The following TRPC4AP variants were observed in gnomAD, a reference collection of about 807,000 sequenced individuals.
TRPC4AP encodes the protein transient receptor potential cation channel subfamily C member 4 associated protein.
Under a neutral mutation model 99.0 loss-of-function variants are expected in TRPC4AP, and 45 were observed. The ratio of observed to expected loss-of-function variants is 0.45; its 90% CI spans 0.36 to 0.58. The LOEUF (loss-of-function observed/expected upper bound fraction) is 0.58. TRPC4AP is among the 20% of genes least tolerant of loss of function. The pLI is 0.00. For synonymous variants in TRPC4AP, 408 were observed against 385.8 expected, an observed-to-expected ratio of 1.06 and a Z score of -0.67; for missense variants, 879 against 985.3, an observed-to-expected ratio of 0.89 and a Z score of 1.44.
chr20:35,090,101 CAAA>C (rs11478429), intron 1 of TRPC4AP, among the ~76,000 whole-genome samples: 3 of 131,752 alleles, frequency 2.3e-5, no homozygotes, highest in Admixed American at 7.6e-5. Flanking sequence ...GATTCTGTCT[CAAA>C]AAAAAAAAAG....
intron 1 of TRPC4AP, among the ~76,000 whole-genome samples, chr20:35,089,623 G>A (rs1569160893): frequency 6.6e-6 from 1 of 152,080 alleles, no homozygotes. Context: ...GGACAAGGCA[G>A]GGGGATCATG....
chr20:35,037,142 C>G (rs769442044), intron 7 of TRPC4AP, among the ~76,000 whole-genome samples: 16 of 151,944 alleles, frequency 1.1e-4, no homozygotes, highest in Non-Finnish European at 2.1e-4. Context: ...GTCAGGAGAT[C>G]GAGACCATCC....
chr20:35,049,840 C>G, intron 6 of TRPC4AP, 26 bp downstream of exon 6: 2 of 1,596,892 alleles, frequency 1.3e-6, no homozygotes, highest in Non-Finnish European at 1.7e-6. Context: ...CCTTCCCCAT[C>G]TGGTCAGCTA....
chr20:35,078,182 T>C lies in TRPC4AP; in HGVS notation c.169-8A>G. 2 of 1,609,808 alleles carry C rather than the reference T, an allele frequency of 1.2e-6. No individual in the cohort carries two copies. Among genetic ancestry groups the C allele is most frequent in the Non-Finnish European group, 1.7e-6 (2 of 1,178,018 alleles). On this transcript the variant is annotated splice_polypyrimidine_tract_variant and splice_region_variant and intron_variant, in intron 1 of 18. Transcript: ENST00000252015. ...CAAAAAAGTCTCAGTGAACTGTGAG[T>C]CAAAAAAAGAGAGAACATATTATTG...
At chr20:35,067,578 GC>G (rs1429999340) in intron 3 of TRPC4AP, among the ~76,000 whole-genome samples, 1 of 152,118 alleles carries the variant, frequency 6.6e-6, no homozygotes, top group Non-Finnish European at 1.5e-5. Flanking sequence ...AATGTTTATA[GC>G]ACTGTTATTC....
chr20:35,071,509 C>T (rs144797168), intron 2 of TRPC4AP, among the ~76,000 whole-genome samples: 1 of 149,562 alleles, frequency 6.7e-6, no homozygotes, highest in African/African-American at 2.5e-5. Context: ...TCAATTCCCA[C>T]CTATGAGTGA....
At chr20:35,010,022 T>C (rs575817569) in intron 12 of TRPC4AP, among the ~76,000 whole-genome samples, 165 bp downstream of exon 12, 2 of 152,216 alleles carry the variant, frequency 1.3e-5, no homozygotes, top group African/African-American at 4.8e-5. Flanking sequence ...AATGAGAAAA[T>C]GCAGGTGACA....
intron 1 of TRPC4AP, among the ~76,000 whole-genome samples, chr20:35,078,974 G>A (rs1463576415): frequency 6.6e-6 from 1 of 152,204 alleles, no homozygotes; most frequent in African/African-American, 2.4e-5. Context: ...GCTGAGGCAG[G>A]AGAACCGCTT....
chr20:35,042,991 A>G (rs534663267), intron 7 of TRPC4AP, among the ~76,000 whole-genome samples: 110 of 152,264 alleles, frequency 7.2e-4, no homozygotes, highest in Admixed American at 2.7e-3. Flanking sequence ...GGCATACCAT[A>G]TATGTGGGCA....
chr20:35,033,524 T>G (rs964754091), intron 8 of TRPC4AP, among the ~76,000 whole-genome samples: 5 of 152,210 alleles, frequency 3.3e-5, no homozygotes, highest in African/African-American at 1.2e-4. Context: ...TCGACTGTTT[T>G]TGATAATGCC....
chr20:35,056,336 G>C (rs1363005098), intron 4 of TRPC4AP, among the ~76,000 whole-genome samples: 2 of 152,054 alleles, frequency 1.3e-5, no homozygotes, highest in African/African-American at 2.4e-5. Flanking sequence ...AGTGGTGAGG[G>C]AAAAAAAGTC....
Position 35,078,131 on chromosome 20 carries a change from C to T in TRPC4AP, c.212G>A (p.Trp71Ter). 1 of 1,613,970 alleles carries T rather than the reference C, an allele frequency of 6.2e-7. No individual in the cohort carries two copies. Among genetic ancestry groups the T allele is most frequent in the Non-Finnish European group, 8.5e-7 (1 of 1,179,942 alleles). ...GAGGAGCAGCTGAGGAATTCCACTC[C>T]ACTTGGATTGTTTGTCCCTCTCCGT... is the stretch of plus-strand genomic sequence containing the variant. ...FLTERDKQSK[W>*]SGIPQLLLKL... is the part of the protein sequence containing the mutation. The change falls in exon 2 of 19, where the codon TGG (tryptophan) becomes TAG (stop). Residue 71 changes from tryptophan to a stop codon, truncating the protein, a stop_gained. Coordinates refer to ENST00000252015, the MANE Select transcript of TRPC4AP (RefSeq NM_015638.3). LOFTEE classifies it high-confidence loss of function.
chr20:35,037,207 C>T (rs1483910742), intron 7 of TRPC4AP, among the ~76,000 whole-genome samples: 2 of 151,794 alleles, frequency 1.3e-5, no homozygotes, highest in African/African-American at 4.8e-5. Flanking sequence ...ATTAGCTGGG[C>T]GCGGTGGCAG....
rs1221346748 is a variant in TRPC4AP, at chr20:35,006,669, A to G, written c.1687-94T>C. On this transcript the variant is annotated intron_variant, in intron 14 of 18. Transcript: ENST00000252015. ...GACCATGCATTGGCTTTGAGCAAGC[A>G]TCCTGGGGATGGAACTGGCAACACT... 4 of 1,492,460 alleles carry G rather than the reference A, an allele frequency of 2.7e-6. No homozygotes were observed. In the African/African-American group the frequency reaches 5.5e-5, roughly 21 times the overall value. The allele number at this position is 1,492,460 out of a possible 1,614,324, so 92.5% of individuals were successfully genotyped here.
chr20:35,016,501 C>T (rs970210028), intron 9 of TRPC4AP, among the ~76,000 whole-genome samples: 1 of 152,154 alleles, frequency 6.6e-6, no homozygotes, highest in African/African-American at 2.4e-5. Context: ...TAACCTTAAA[C>T]AAATTCCTTA....
intron 8 of TRPC4AP, among the ~76,000 whole-genome samples, chr20:35,025,319 TA>T (rs1201768457): frequency 6.6e-6 from 1 of 152,180 alleles, no homozygotes; most frequent in African/African-American, 2.4e-5. Flanking sequence ...TTGTCAGGAC[TA>T]TGGGCACGTG....
At chr20:35,032,272 G>A (rs370365926) in intron 8 of TRPC4AP, among the ~76,000 whole-genome samples, 10 of 151,404 alleles carry the variant, frequency 6.6e-5, no homozygotes, top group Admixed American at 3.3e-4. Flanking sequence ...TGCTCTGCCC[G>A]CCTCAGCCTC....
In TRPC4AP at chr20:35,078,142, T is replaced by C; in HGVS notation, c.201A>G (p.Lys67=). 1 of 1,613,988 alleles carries C rather than the reference T, an allele frequency of 6.2e-7. No individual in the cohort carries two copies. The change falls in exon 2 of 19, where the codon AAA becomes AAG. Residue 67 remains lysine, a synonymous_variant. Transcript: ENST00000252015. The stretch of plus-strand genomic sequence containing the variant: ...GAGGAATTCCACTCCACTTGGATTG[T>C]TTGTCCCTCTCCGTCAAAAAAGTCT... The part of the protein sequence containing the change: ...FTETFLTERD[K]QSKWSGIPQL...
At chr20:35,032,936 C>T (rs768503855) in intron 8 of TRPC4AP, among the ~76,000 whole-genome samples, 51 of 152,052 alleles carry the variant, frequency 3.4e-4, no homozygotes, top group Non-Finnish European at 6.9e-4. Flanking sequence ...GGTGTGGTAG[C>T]TCACGCCTGT....
Sources: gnomAD v4.1 joint callset for allele counts (sites outside exome capture counted in the v4.1 genomes callset) on GRCh38, gnomAD v4.1.1 for gene constraint, MANE v1.5 for transcripts, NCBI Gene and HGNC (gene_info 2026-07-23, HGNC 2026-07-21) for gene names.